NAV3: variants seen among roughly 807,000 people sequenced by gnomAD.
NAV3 encodes pore membrane and/or filament interacting like protein 1.
In NAV3, 87 loss-of-function variants were observed where a neutral mutation model predicts 244.7. The observed-to-expected ratio is 0.36, with a 90% CI of 0.30 to 0.42. NAV3 has a LOEUF of 0.42. Ranked by LOEUF, NAV3 falls within the 20% of genes least tolerant of loss-of-function variation. NAV3 has a pLI of 1.00. For synonymous variants in NAV3, 1,126 were observed against 1,042.2 expected (o/e 1.08, Z -1.55); for missense variants, 2,663 against 2,893.3 (o/e 0.92, Z 1.83).
chr12:77,593,450 A>G (rs1051206692), intron 2 of NAV3, among the ~76,000 whole-genome samples: 1 of 149,770 alleles, frequency 6.7e-6, no homozygotes, highest in Non-Finnish European at 1.5e-5. Flanking sequence ...AATTATTATT[A>G]TTTATTTTAT....
rs1459091344 is a variant in NAV3, at chr12:78,197,257, A to G, written c.6302A>G (p.Gln2101Arg). The stretch of plus-strand genomic sequence containing the variant: ...TTCATTTTTTAAAAGGAATTGCAAC[A>G]ATATCTAGCTAACCTGGCTGAACAG... ...VDHKSSKELQ[Q>R]YLANLAEQCS... Residue 2101 changes from glutamine to arginine, a missense_variant, in exon 35 of 40, where the codon CAA becomes CGA. This residue lies in a region of NAV3 where 543 missense variants were observed against 672.4 expected (regional missense o/e 0.81). Transcript: ENST00000397909. 1.3e-6 allele frequency: 2 copies of G among 1,547,284 alleles called. No homozygotes were observed. The highest frequency in any genetic ancestry group is 1.7e-6 in the Non-Finnish European group (2 of 1,146,422).
At chr12:77,654,915 A>C (rs1873016124) in intron 2 of NAV3, among the ~76,000 whole-genome samples, 1 of 144,204 alleles carries the variant, frequency 6.9e-6, no homozygotes, top group Non-Finnish European at 1.5e-5. Flanking sequence ...GTTAGGAGGA[A>C]AACTAACAAA....
chr12:77,862,925 C>G (rs1172303592), intron 1 of NAV3, among the ~76,000 whole-genome samples: 1 of 150,886 alleles, frequency 6.6e-6, no homozygotes, highest in Admixed American at 6.6e-5. Context: ...TTTTTTCACT[C>G]ATCTTGAAAA....
intron 2 of NAV3, among the ~76,000 whole-genome samples, chr12:77,817,437 T>C (rs1347454153): frequency 6.6e-6 from 1 of 152,168 alleles, no homozygotes; most frequent in East Asian, 1.9e-4. Flanking sequence ...GTTTACTTAA[T>C]ATAAGAAGTT....
intron 5 of NAV3, among the ~76,000 whole-genome samples, chr12:77,971,955 T>C (rs1893032543): frequency 6.6e-6 from 1 of 152,204 alleles, no homozygotes; most frequent in African/African-American, 2.4e-5. Context: ...TTGATTTTGC[T>C]ATTTTGAAAA....
intron 23 of NAV3, among the ~76,000 whole-genome samples, chr12:78,166,148 C>T (rs1461828318): frequency 2.6e-5 from 4 of 151,950 alleles, no homozygotes; most frequent in Admixed American, 2.6e-4. Context: ...TAAATAGTCT[C>T]AAAGCACATT....
Position 77,961,020 on chromosome 12 carries a change from T to C in NAV3, c.415-5209T>C, listed in dbSNP as rs1398283135. ...ACGCATATATGTATATATGTATATG[T>C]TACATGTATACGCATATATGTATAT... is the stretch of plus-strand genomic sequence containing the variant. On this transcript the variant is annotated intron_variant, in intron 3 of 39. Transcript: ENST00000397909. Among the ~76,000 whole-genome samples the C allele has an allele frequency of 1.4e-5, 2 of 146,534 alleles. 1 individual carries two copies. Among genetic ancestry groups the C allele is most frequent in the East Asian group, 4.1e-4 (2 of 4,830 alleles).
chr12:77,864,321 T>G (rs920508241), intron 1 of NAV3, among the ~76,000 whole-genome samples: 3 of 151,936 alleles, frequency 2.0e-5, no homozygotes, highest in Non-Finnish European at 2.9e-5. Flanking sequence ...ATAGTAAAAT[T>G]TGTTAAAACA....
intron 1 of NAV3, among the ~76,000 whole-genome samples, chr12:77,936,570 A>T (rs1190418828): frequency 1.3e-5 from 2 of 152,178 alleles, no homozygotes; most frequent in Non-Finnish European, 2.9e-5. Flanking sequence ...TCACTAAAAA[A>T]ACTATAATTA....
At chr12:77,751,638 A>T (rs1868861138) in intron 2 of NAV3, among the ~76,000 whole-genome samples, 1 of 152,198 alleles carries the variant, frequency 6.6e-6, no homozygotes, top group Admixed American at 6.5e-5. Flanking sequence ...CCTAACTGTG[A>T]ATCAATTAAA....
intron 16 of NAV3, among the ~76,000 whole-genome samples, chr12:78,123,160 T>C (rs954874884): frequency 2.0e-5 from 3 of 152,122 alleles, no homozygotes; most frequent in African/African-American, 7.2e-5. Context: ...CTCTTGATTA[T>C]ACTGTACTGA....
At chr12:77,658,113 T>G (rs1022635628) in intron 2 of NAV3, among the ~76,000 whole-genome samples, 13 of 152,188 alleles carry the variant, frequency 8.5e-5, no homozygotes, top group African/African-American at 2.6e-4. Flanking sequence ...GCCAGGGCAA[T>G]TAGGCAGGAG....
At chr12:78,185,928 C>T (rs2279084) in intron 31 of NAV3, among the ~76,000 whole-genome samples, 13,638 of 151,760 alleles carry the variant, frequency 0.09, 773 homozygotes, top group East Asian at 0.21. Flanking sequence ...ATAATATTAA[C>T]AGCCCCTCAT....
At chr12:77,856,169 G>C (rs4761405) in intron 1 of NAV3, among the ~76,000 whole-genome samples, 101,831 of 151,956 alleles carry the variant, frequency 0.67, 37,237 homozygotes, top group Non-Finnish European at 0.82. Flanking sequence ...TTTTACCAAT[G>C]GATATATATA....
At chr12:77,766,682 C>G (rs11106625) in intron 2 of NAV3, among the ~76,000 whole-genome samples, 12 of 141,056 alleles carry the variant, frequency 8.5e-5, no homozygotes, top group Admixed American at 3.0e-4. Context: ...CAAATCATAT[C>G]TAGGGTTTGG....
At chr12:77,628,200 C>A (rs1158789172) in intron 2 of NAV3, among the ~76,000 whole-genome samples, 6 of 152,150 alleles carry the variant, frequency 3.9e-5, no homozygotes, top group Non-Finnish European at 2.9e-5. Context: ...TGATGGATAT[C>A]TTAAATCCTC....
At chr12:77,930,401 T>A (rs569568156) in intron 1 of NAV3, among the ~76,000 whole-genome samples, 13 of 152,154 alleles carry the variant, frequency 8.5e-5, no homozygotes, top group Admixed American at 5.2e-4. Flanking sequence ...CTCACTTTTT[T>A]ATTGTATAAT....
intron 22 of NAV3, among the ~76,000 whole-genome samples, chr12:78,154,148 G>GTATA (rs904174776): frequency 3.0e-5 from 4 of 134,650 alleles, no homozygotes; most frequent in African/African-American, 1.1e-4. Flanking sequence ...GTGTATATAT[G>GTATA]TATATATATA....
chr12:77,990,699 A>G (rs1871299703), intron 5 of NAV3, among the ~76,000 whole-genome samples: 1 of 152,090 alleles, frequency 6.6e-6, no homozygotes, highest in South Asian at 2.1e-4. Flanking sequence ...AAATTTTCTC[A>G]TTTTCTCATA....
Sources: gnomAD v4.1 joint callset for allele counts (sites outside exome capture counted in the v4.1 genomes callset) on GRCh38, gnomAD v4.1.1 for gene constraint, gnomAD v4.1.1 regional missense constraint, MANE v1.5 for transcripts, NCBI Gene and HGNC (gene_info 2026-07-23, HGNC 2026-07-21) for gene names.